Variants in CDK17 observed in about 807,000 individuals in gnomAD.
CDK17 encodes cyclin dependent kinase 17.
CDK17 carries 24 observed loss-of-function variants against 77.6 expected under a neutral mutation model. The ratio of observed to expected loss-of-function variants is 0.31; its 90% CI spans 0.22 to 0.44. The LOEUF is 0.44. CDK17 is among the 20% of genes least tolerant of loss of function. CDK17 has a pLI of 1.00. For missense variants in CDK17, 429 were observed against 622.5 expected (o/e 0.69, Z 3.31); for synonymous variants, 203 against 210.4 (o/e 0.96, Z 0.30).
intron 2 of CDK17, among the ~76,000 whole-genome samples, chr12:96,327,444 C>G (rs1305385402): frequency 6.6e-6 from 1 of 152,166 alleles, no homozygotes; most frequent in Non-Finnish European, 1.5e-5. Flanking sequence ...ATTACAAAGG[C>G]AGAAGCAACA....
chr12:96,282,825 A>T (rs774161512), intron 14 of CDK17, among the ~76,000 whole-genome samples: 1 of 152,188 alleles, frequency 6.6e-6, no homozygotes, highest in Non-Finnish European at 1.5e-5. Flanking sequence ...ATAAGGCTGG[A>T]TCTTAAACAA....
intron 13 of CDK17, among the ~76,000 whole-genome samples, chr12:96,285,557 G>A (rs1358676578): frequency 6.6e-6 from 1 of 152,112 alleles, no homozygotes; most frequent in Non-Finnish European, 1.5e-5. Context: ...ATTTTATTGG[G>A]AGCCTTGGAT....
intron 2 of CDK17, 152 bp downstream of exon 2, chr12:96,334,567 A>C (rs1444894625): frequency 3.9e-6 from 2 of 515,602 alleles, no homozygotes; most frequent in African/African-American, 2.0e-5. Flanking sequence ...ACCAAACAAA[A>C]GTTATATAGT....
chr12:96,369,414 T>C (rs182930415), intron 1 of CDK17, among the ~76,000 whole-genome samples: 53 of 152,278 alleles, frequency 3.5e-4, no homozygotes, highest in African/African-American at 1.3e-3. Flanking sequence ...TGTTGAGCAA[T>C]CTATCAGCCC....
At chr12:96,393,313 C>A in intron 1 of CDK17, among the ~76,000 whole-genome samples, 1 of 111,942 alleles carries the variant, frequency 8.9e-6, no homozygotes, top group Non-Finnish European at 1.7e-5. Flanking sequence ...TGCAGTGAGC[C>A]AAGATTGTGC....
intron 8 of CDK17, 97 bp from the exon 9 acceptor site, chr12:96,297,429 G>T: frequency 3.6e-6 from 3 of 836,600 alleles, no homozygotes. Flanking sequence ...TGTTTTTCAA[G>T]AAAAGATACT....
chr12:96,368,103 AG>A (rs1195484079), intron 1 of CDK17, among the ~76,000 whole-genome samples: 1 of 152,050 alleles, frequency 6.6e-6, no homozygotes, highest in East Asian at 1.9e-4. Flanking sequence ...AAAGTTCAAT[AG>A]GAAAAAAAAA....
intron 9 of CDK17, among the ~76,000 whole-genome samples, chr12:96,296,669 C>T (rs1395633004): frequency 1.3e-5 from 2 of 152,182 alleles, no homozygotes; most frequent in Admixed American, 6.5e-5. Context: ...AGAATACAAA[C>T]TATGCTGGAT....
chr12:96,385,644 C>A (rs1421590245), intron 1 of CDK17, among the ~76,000 whole-genome samples: 2 of 151,598 alleles, frequency 1.3e-5, no homozygotes, highest in African/African-American at 4.8e-5. Context: ...TTAAAAAAAA[C>A]ATAAAAAGGA....
intron 1 of CDK17, among the ~76,000 whole-genome samples, chr12:96,342,963 T>TAA (rs34026126): frequency 2.0e-4 from 30 of 150,002 alleles, no homozygotes; most frequent in Admixed American, 1.2e-3. Context: ...AACTCTGTCT[T>TAA]AAAAAAAAAA....
intron 2 of CDK17, among the ~76,000 whole-genome samples, chr12:96,325,357 C>T (rs1265740171): frequency 6.6e-6 from 1 of 152,228 alleles, no homozygotes; most frequent in Non-Finnish European, 1.5e-5. Context: ...ATAAGGATAC[C>T]TCCTGATCAG....
chr12:96,282,138 T>C (rs995833633), intron 15 of CDK17: 1 of 164,922 alleles, frequency 6.1e-6, no homozygotes, highest in African/African-American at 2.4e-5. Context: ...AAACAATTTA[T>C]GTTTCGGTTA....
rs1555200770 is a variant in CDK17, at chr12:96,308,751, A to ATAATAATAATAATAATAG, written c.543+2300_543+2301insCTATTATTATTATTATTA. 2.2e-3 allele frequency among the ~76,000 whole-genome samples: 321 copies of ATAATAATAATAATAATAG among 147,736 alleles called. 1 individual carries two copies. Among genetic ancestry groups the ATAATAATAATAATAATAG allele is most frequent in the South Asian group, 8.7e-3 (41 of 4,710 alleles). On this transcript the variant is annotated intron_variant, in intron 5 of 16. Transcript: ENST00000261211. ...TCCAAAAATAATAATAATAATAATA[A>ATAATAATAATAATAATAG]TAATAATAATAATAATGTAAAAAAG...
chr12:96,374,352 T>G (rs1453460435), intron 1 of CDK17, among the ~76,000 whole-genome samples: 1 of 152,180 alleles, frequency 6.6e-6, no homozygotes, highest in East Asian at 1.9e-4. Context: ...AAGTAAAAAT[T>G]AATCTCTGGG....
At chr12:96,339,529 T>C (rs1050601846) in intron 1 of CDK17, among the ~76,000 whole-genome samples, 45 of 152,140 alleles carry the variant, frequency 3.0e-4, no homozygotes, top group African/African-American at 9.6e-4. Context: ...AATTTTGCTA[T>C]GTGTATTTTA....
chr12:96,395,418 T>C (rs1169178382), intron 1 of CDK17, among the ~76,000 whole-genome samples: 1 of 152,180 alleles, frequency 6.6e-6, no homozygotes, highest in Non-Finnish European at 1.5e-5. Flanking sequence ...TTTGAATGCC[T>C]AAACTGGAAT....
chr12:96,286,287 T>C, intron 12 of CDK17, 139 bp from the exon 13 acceptor site: 2 of 273,626 alleles, frequency 7.3e-6, no homozygotes, highest in East Asian at 7.2e-5. Context: ...TCAACTGCAA[T>C]TGAAATGACA....
intron 13 of CDK17, among the ~76,000 whole-genome samples, chr12:96,284,155 T>C (rs1309681900): frequency 2.0e-5 from 3 of 152,182 alleles, no homozygotes; most frequent in African/African-American, 7.2e-5. Flanking sequence ...AATTTAAATA[T>C]GCTACAATAA....
intron 2 of CDK17, among the ~76,000 whole-genome samples, chr12:96,329,034 AAGTCAG>A (rs1952931666): frequency 6.6e-6 from 1 of 152,220 alleles, no homozygotes; most frequent in South Asian, 2.1e-4. Context: ...TAAGGGAAAT[AAGTCAG>A]ACACAAAAGG....
Sources: allele counts gnomAD v4.1 joint callset (sites outside exome capture counted in the v4.1 genomes callset), GRCh38; gene constraint gnomAD v4.1.1; transcripts MANE v1.5; gene names NCBI Gene and HGNC (gene_info 2026-07-23, HGNC 2026-07-21).